BCAT1: variants seen among roughly 807,000 people sequenced by gnomAD.
BCAT1 encodes branched-chain-amino-acid aminotransferase, cytosolic.
Under a neutral mutation model 52.4 loss-of-function variants are expected in BCAT1, and 48 were observed. The observed-to-expected ratio is 0.92, with a 90% CI of 0.73 to 1.16. The LOEUF (loss-of-function observed/expected upper bound fraction) is 1.16, where lower values mean the gene tolerates loss of function less well. Among genes scored for constraint, BCAT1 ranks in the 50% most tolerant of loss-of-function variants. The pLI, the probability that BCAT1 is intolerant of heterozygous loss-of-function variation, is 0.00. For synonymous variants in BCAT1, 167 were observed against 161.3 expected (o/e 1.04, Z -0.27); for missense variants, 451 against 457.1 (o/e 0.99, Z 0.12).
At position 24,909,361 on chromosome 12, in the gene BCAT1, C is replaced by A. The variant is rs17315509; in HGVS notation, c.7-7476G>T. ...AAAGTGAGCCATAAAAAAATCTTGA[C>A]AAAAGAATTCTCATTTGGGCTTATT... On this transcript the variant is annotated intron_variant, in intron 1 of 10. Transcript: ENST00000261192. Among the ~76,000 whole-genome samples the A allele has an allele frequency of 8.5e-3, 1,300 of 152,240 alleles. 9 individuals are homozygous for A. The highest frequency in any genetic ancestry group is 0.017 in the Middle Eastern group (5 of 294).
Position 24,818,015 on chromosome 12 carries a change from A to G in BCAT1, c.1154T>C (p.Leu385Pro). The G allele has an allele frequency of 6.2e-7, 1 of 1,613,082 alleles. No homozygotes were observed. The highest frequency in any genetic ancestry group is 1.3e-5 in the African/African-American group (1 of 75,008). ...GTATCCTCTATTTTCCATTCAGGAT[A>G]GCACAATTGTCCAGTCGCTCTCTTC... is the stretch of plus-strand genomic sequence containing the variant. ...GREESDWTIV[L>P]S The change falls in exon 11 of 11, where the codon CTA becomes CCA. Residue 385 changes from leucine to proline, a missense_variant. Leu to Pro is a moderately conservative substitution (Grantham distance 98). Coordinates refer to ENST00000261192, the MANE Select transcript of BCAT1 (RefSeq NM_005504.7).
At chr12:24,938,676 C>G (rs1297582834) in intron 1 of BCAT1, among the ~76,000 whole-genome samples, 1 of 152,002 alleles carries the variant, frequency 6.6e-6, no homozygotes, top group Non-Finnish European at 1.5e-5. Context: ...TGAGTCTGAG[C>G]CCAGGAGTAT....
intron 5 of BCAT1, 28 bp downstream of exon 5, chr12:24,878,502 T>C: frequency 1.9e-6 from 3 of 1,592,730 alleles, no homozygotes; most frequent in East Asian, 4.5e-5. Context: ...CCCAGCAAAG[T>C]ACCCCAAAAT....
chr12:24,818,473 T>C (rs1279705576), intron 10 of BCAT1, among the ~76,000 whole-genome samples: 1 of 152,186 alleles, frequency 6.6e-6, no homozygotes, highest in Non-Finnish European at 1.5e-5. Context: ...AGCATCAGCA[T>C]CACCAGACAA....
intron 5 of BCAT1, among the ~76,000 whole-genome samples, chr12:24,858,408 G>A (rs1941754863): frequency 6.6e-6 from 1 of 152,186 alleles, no homozygotes; most frequent in African/African-American, 2.4e-5. Flanking sequence ...AAATAAAAAT[G>A]TCTTCAAAAT....
intron 1 of BCAT1, among the ~76,000 whole-genome samples, chr12:24,920,849 C>A (rs546455666): frequency 6.6e-6 from 1 of 152,160 alleles, no homozygotes; most frequent in South Asian, 2.1e-4. Context: ...AATTTGCTAG[C>A]GTGGTTCACA....
intron 3 of BCAT1, among the ~76,000 whole-genome samples, chr12:24,884,143 T>A (rs570335318): frequency 6.8e-4 from 103 of 152,344 alleles, no homozygotes; most frequent in African/African-American, 2.4e-3. Flanking sequence ...ATGTGGTATG[T>A]ATACATGATG....
rs959694540 is a variant in BCAT1, at chr12:24,816,681, T to C, written c.*1327A>G. On this transcript the variant is annotated 3_prime_UTR_variant, in exon 11 of 11. Transcript: ENST00000261192. Reference sequence around the variant, plus strand: ...TTGGTTGGTATGATATCATGACCTCTCTCTAGAGCAGTGGTCCCCAACATT... The same window carrying C: ...TTGGTTGGTATGATATCATGACCTCCCTCTAGAGCAGTGGTCCCCAACATT... The C allele has an allele frequency of 1.0e-5, 4 of 397,122 alleles. No individual in the cohort carries two copies. Among genetic ancestry groups the C allele is most frequent in the Non-Finnish European group, 1.8e-5 (4 of 225,220 alleles). The allele number at this position is 397,122 out of a possible 1,614,324, so 24.6% of individuals were successfully genotyped here. A position where few individuals can be genotyped will look rare whatever the true frequency, so the allele number is the denominator to read the frequency against.
At chr12:24,905,537 C>T (rs1234098929) in intron 1 of BCAT1, among the ~76,000 whole-genome samples, 1 of 152,196 alleles carries the variant, frequency 6.6e-6, no homozygotes, top group Non-Finnish European at 1.5e-5. Flanking sequence ...CCCATGGAAT[C>T]AGAATCAGAT....
chr12:24,855,652 A>C (rs1417629010), intron 5 of BCAT1, among the ~76,000 whole-genome samples: 2 of 152,190 alleles, frequency 1.3e-5, no homozygotes, highest in African/African-American at 4.8e-5. Context: ...AAGTGCTGGG[A>C]TTACAGGCGT....
intron 2 of BCAT1, among the ~76,000 whole-genome samples, chr12:24,895,681 A>C (rs527752397): frequency 2.0e-5 from 3 of 152,250 alleles, no homozygotes; most frequent in African/African-American, 7.2e-5. Context: ...TATACAAAAA[A>C]AGTCTTTTCC....
chr12:24,852,498 T>C (rs1941545821), intron 5 of BCAT1, among the ~76,000 whole-genome samples: 1 of 152,220 alleles, frequency 6.6e-6, no homozygotes, highest in Admixed American at 6.5e-5. Context: ...AACTACATTA[T>C]ACTAAAAGAA....
Position 24,818,071 on chromosome 12 carries a change from G to C in BCAT1, c.1120-22C>G, listed in dbSNP as rs141021317. The C allele has an allele frequency of 2.5e-6, 4 of 1,611,610 alleles. No individual in the cohort carries two copies. In the South Asian group the frequency reaches 4.4e-5, roughly 18 times the overall value. ...CATACTGCAACAAAAGCAAGAAAAC[G>C]TGTTTCAGTACAGAAGCTAACAGGG... On this transcript the variant is annotated intron_variant, in intron 10 of 10. Transcript: ENST00000261192.
chr12:24,905,539 G>C (rs114459618), intron 1 of BCAT1, among the ~76,000 whole-genome samples: 2 of 152,182 alleles, frequency 1.3e-5, no homozygotes, highest in South Asian at 2.1e-4. Context: ...CATGGAATCA[G>C]AATCAGATAA....
chr12:24,947,009 T>C (rs1001298926), intron 1 of BCAT1, among the ~76,000 whole-genome samples: 2 of 152,164 alleles, frequency 1.3e-5, no homozygotes, highest in African/African-American at 4.8e-5. Flanking sequence ...TTAAATTCTT[T>C]TCCTCCCCAA....
rs747573356 is a variant in BCAT1 at position 24,878,587 on chromosome 12, C to T, written c.453G>A (p.Trp151Ter). 3 of 1,610,676 alleles carry T rather than the reference C, an allele frequency of 1.9e-6. No individual in the cohort carries two copies. Among genetic ancestry groups the T allele is most frequent in the Non-Finnish European group, 1.7e-6 (2 of 1,177,426 alleles). ...IQQLVKLDQEWVPYSTSASLY... is the reference protein window; with the variant it reads ...IQQLVKLDQE ...GACTAGCAGATGTTGAATATGGGAC[C>T]CATTCTTGATCCAATTTCACAAGCT... Residue 151 changes from tryptophan (W) to a stop codon, truncating the protein, a stop_gained, in exon 5 of 11, where the codon TGG becomes TGA. Transcript: ENST00000261192. LOFTEE classifies it high-confidence loss of function.
chr12:24,887,056 C>T (rs1942683893), intron 3 of BCAT1, among the ~76,000 whole-genome samples: 1 of 5,338 alleles, frequency 1.9e-4, no homozygotes. Context: ...GAGAGAGATG[C>T]TAGCTAAAAA....
At chr12:24,894,873 A>C (rs1942925075) in intron 2 of BCAT1, among the ~76,000 whole-genome samples, 1 of 152,250 alleles carries the variant, frequency 6.6e-6, no homozygotes, top group Admixed American at 6.5e-5. Flanking sequence ...TTGTTAAACT[A>C]AAATGAATGT....
Position 24,844,539 on chromosome 12 carries a change from G to C in BCAT1, c.675-2315C>G, listed in dbSNP as rs146918442. 6.1e-3 allele frequency among the ~76,000 whole-genome samples: 933 copies of C among 152,236 alleles called. 5 individuals are homozygous for C. The highest frequency in any genetic ancestry group is 0.014 in the Middle Eastern group (4 of 294). The stretch of plus-strand genomic sequence containing the variant: ...ATATTCCAGTAAGCTGTGGAAAATA[G>C]ACATCATACTATGGTGATTGCCATT... On this transcript the variant is annotated intron_variant, in intron 6 of 10. Coordinates refer to ENST00000261192, the MANE Select transcript of BCAT1 (RefSeq NM_005504.7).
Sources: gnomAD v4.1 joint callset for allele counts (sites outside exome capture counted in the v4.1 genomes callset) on GRCh38, gnomAD v4.1.1 for gene constraint, MANE v1.5 for transcripts, NCBI Gene and HGNC (gene_info 2026-07-23, HGNC 2026-07-21) for gene names.